MGAT4C: variants seen among roughly 807,000 people sequenced by gnomAD.
MGAT4C encodes MGAT4 family member C.
A neutral mutation model predicts 40.1 loss-of-function variants in MGAT4C; 19 were observed. The ratio of observed to expected loss-of-function variants is 0.47; its 90% CI spans 0.33 to 0.70. MGAT4C has a LOEUF of 0.70. MGAT4C is among the 30% of genes least tolerant of loss of function. The pLI is 0.02. For missense variants in MGAT4C, 491 were observed against 563.2 expected, an observed-to-expected ratio of 0.87 and a Z score of 1.30; for synonymous variants, 181 against 187.1, an observed-to-expected ratio of 0.97 and a Z score of 0.27.
chr12:85,990,251 CAGAA>C lies in MGAT4C; in HGVS notation c.-6-703_-6-700del, dbSNP rs1592623204. ...TACTACACAAAGGCAAAATGAGAGTCAGAAAGATTCGTGAAAACCTAATTTAAAA... is the reference window on the plus strand; with the variant it reads ...TACTACACAAAGGCAAAATGAGAGTCAGATTCGTGAAAACCTAATTTAAAA... On this transcript the variant is annotated intron_variant, in intron 2 of 4. Coordinates refer to ENST00000611864, the MANE Select transcript of MGAT4C (RefSeq NM_001351288.2). Among the ~76,000 whole-genome samples, 3 of 152,136 alleles carry C rather than the reference CAGAA, an allele frequency of 2.0e-5. No individual in the cohort carries two copies. The East Asian group carries it at 5.8e-4, about 29-fold the overall frequency.
intron 3 of MGAT4C, among the ~76,000 whole-genome samples, chr12:86,359,394 C>T (rs910550732): frequency 1.3e-5 from 2 of 152,024 alleles, no homozygotes; most frequent in African/African-American, 4.8e-5. Context: ...AAAATTGACA[C>T]CCTAACATCA....
chr12:86,137,599 A>G (rs964818340), intron 1 of MGAT4C, among the ~76,000 whole-genome samples: 1 of 152,196 alleles, frequency 6.6e-6, no homozygotes, highest in Admixed American at 6.5e-5. Flanking sequence ...TTATACGCTC[A>G]AGAAAAGTAT....
At chr12:86,324,014 G>A (rs1954462715) in intron 4 of MGAT4C, among the ~76,000 whole-genome samples, 1 of 151,866 alleles carries the variant, frequency 6.6e-6, no homozygotes, top group Non-Finnish European at 1.5e-5. Flanking sequence ...AAGTAAAAAT[G>A]AAACTTCAAT....
chr12:86,257,782 G>A (rs997015425), upstream of MGAT4C, among the ~76,000 whole-genome samples: 6 of 152,074 alleles, frequency 3.9e-5, no homozygotes, highest in East Asian at 1.9e-4. Flanking sequence ...TCTGAGAAGC[G>A]AGTTAGCATG....
chr12:86,301,457 G>T (rs1953810308), intron 4 of MGAT4C, among the ~76,000 whole-genome samples: 1 of 152,160 alleles, frequency 6.6e-6, no homozygotes, highest in African/African-American at 2.4e-5. Flanking sequence ...CTACAAATCA[G>T]TAGTACTCTA....
intron 1 of MGAT4C, among the ~76,000 whole-genome samples, chr12:86,189,754 AAG>A (rs1255124741): frequency 2.0e-5 from 3 of 152,014 alleles, no homozygotes; most frequent in Admixed American, 1.3e-4. Context: ...CTAAAAACCA[AAG>A]AGAGTACTGA....
At chr12:86,818,052 T>C (rs550742333) in intron 1 of MGAT4C, among the ~76,000 whole-genome samples, 1 of 151,368 alleles carries the variant, frequency 6.6e-6, no homozygotes, top group Non-Finnish European at 1.5e-5. Context: ...CAGCAAAAGG[T>C]CTATTAAATA....
At chr12:86,245,704 G>C (rs969267014) in intron 1 of MGAT4C, among the ~76,000 whole-genome samples, 1 of 152,096 alleles carries the variant, frequency 6.6e-6, no homozygotes, top group Non-Finnish European at 1.5e-5. Flanking sequence ...TTAGCTCCTA[G>C]GGTTAGTACT....
chr12:86,411,807 C>T (rs762203533), intron 3 of MGAT4C, among the ~76,000 whole-genome samples: 27 of 152,134 alleles, frequency 1.8e-4, no homozygotes, highest in Non-Finnish European at 2.9e-4. Context: ...ACCAGACCCT[C>T]CCATCATAGG....
At chr12:86,132,875 A>G (rs1471418490) in intron 1 of MGAT4C, among the ~76,000 whole-genome samples, 1 of 151,940 alleles carries the variant, frequency 6.6e-6, no homozygotes, top group Non-Finnish European at 1.5e-5. Flanking sequence ...TCCCAAATTG[A>G]TATGTCAAAT....
intron 2 of MGAT4C, among the ~76,000 whole-genome samples, chr12:85,996,532 T>A (rs1212926014): frequency 6.6e-6 from 1 of 152,156 alleles, no homozygotes; most frequent in African/African-American, 2.4e-5. Context: ...AATAGACAAC[T>A]GATATAGCTA....
intron 2 of MGAT4C, among the ~76,000 whole-genome samples, chr12:86,604,857 A>G (rs1002143863): frequency 6.6e-6 from 1 of 152,164 alleles, no homozygotes; most frequent in African/African-American, 2.4e-5. Flanking sequence ...TTCGGTTCTC[A>G]TCTTTGAAGG....
At chr12:86,253,585 T>G (rs1168337369) in intron 1 of MGAT4C, among the ~76,000 whole-genome samples, 2 of 151,988 alleles carry the variant, frequency 1.3e-5, no homozygotes, top group African/African-American at 4.8e-5. Context: ...TCTTTTAAAC[T>G]TTAAAATGCA....
At chr12:86,770,409 C>G (rs1951610809) in intron 1 of MGAT4C, among the ~76,000 whole-genome samples, 1 of 151,940 alleles carries the variant, frequency 6.6e-6, no homozygotes, top group Non-Finnish European at 1.5e-5. Context: ...CAATACCATT[C>G]TGTTGTTTGC....
intron 1 of MGAT4C, among the ~76,000 whole-genome samples, chr12:86,173,104 C>T (rs1460756559): frequency 1.3e-5 from 2 of 152,200 alleles, no homozygotes; most frequent in African/African-American, 4.8e-5. Flanking sequence ...TCAGGCTGGG[C>T]TAAATTGTGA....
rs571340417 is a variant in MGAT4C, at chr12:86,394,176, G to A, written c.-120+40981C>T. On this transcript the variant is annotated intron_variant, in intron 3 of 7. Coordinates refer to the MGAT4C transcript ENST00000548651. ...AGGGAAGGATTACTGAATCAACTTG[G>A]GGAATGTATGCCTTCTTAATTCTCA... is the stretch of plus-strand genomic sequence containing the variant. 9.3e-4 allele frequency among the ~76,000 whole-genome samples: 141 copies of A among 152,200 alleles called. 1 individual carries two copies. The highest frequency in any genetic ancestry group is 3.1e-3 in the African/African-American group (127 of 41,528).
chr12:86,313,309 A>C (rs1243381840), intron 4 of MGAT4C, among the ~76,000 whole-genome samples: 1 of 145,582 alleles, frequency 6.9e-6, no homozygotes, highest in Non-Finnish European at 1.5e-5. Context: ...TAAAATGAAA[A>C]CTCACAATGC....
chr12:86,629,317 C>G (rs1962941679), intron 2 of MGAT4C, among the ~76,000 whole-genome samples: 1 of 152,060 alleles, frequency 6.6e-6, no homozygotes, highest in Non-Finnish European at 1.5e-5. Context: ...GAATTTAACA[C>G]CCCACTGTAA....
At chr12:86,508,647 A>G (rs1958515904) in intron 2 of MGAT4C, among the ~76,000 whole-genome samples, 1 of 151,468 alleles carries the variant, frequency 6.6e-6, no homozygotes, top group South Asian at 2.1e-4. Flanking sequence ...GACCTTCACA[A>G]TGGTTGAACT....
Sources: gnomAD v4.1 joint callset for allele counts (sites outside exome capture counted in the v4.1 genomes callset) on GRCh38, gnomAD v4.1.1 for gene constraint, MANE v1.5 for transcripts, NCBI Gene and HGNC (gene_info 2026-07-23, HGNC 2026-07-21) for gene names.